Variants in PCDHA6 observed in about 807,000 individuals in gnomAD.
PCDHA6 encodes the protein protocadherin alpha 6, also known as protocadherin alpha-6.
In PCDHA6, 55 loss-of-function variants were observed where a neutral mutation model predicts 60.3. That is an observed-to-expected ratio of 0.91 (90% CI 0.73 to 1.14). PCDHA6 has a LOEUF of 1.14. PCDHA6 is among the 50% of genes most tolerant of loss of function. PCDHA6 has a pLI of 0.00. For synonymous variants in PCDHA6, 652 were observed against 557.9 expected (o/e 1.17, Z -2.38); for missense variants, 1,327 against 1,256.5 (o/e 1.06, Z -0.85).
At chr5:140,917,281 T>A (rs1354421886) in intron 1 of PCDHA6, among the ~76,000 whole-genome samples, 1 of 151,298 alleles carries the variant, frequency 6.6e-6, no homozygotes, top group Admixed American at 6.6e-5. Context: ...GTAATGACGC[T>A]TTTCCGTGTG....
At chr5:140,911,709 G>A (rs1029382331) in intron 1 of PCDHA6, among the ~76,000 whole-genome samples, 1 of 151,822 alleles carries the variant, frequency 6.6e-6, no homozygotes, top group Non-Finnish European at 1.5e-5. Context: ...AATTTATTTT[G>A]TGTAACTCTG....
intron 1 of PCDHA6, chr5:140,875,473 A>G (rs782269579): frequency 6.2e-6 from 10 of 1,606,342 alleles, no homozygotes; most frequent in Non-Finnish European, 8.5e-6. Flanking sequence ...ATTTTCTGCA[A>G]TGGTGATTAT....
rs2150155852 is a variant in PCDHA6 at position 140,828,481 on chromosome 5, G to A, written c.390G>A (p.Pro130=). ...AGGTGAGGGACATTAACGACAACCC[G>A]CCCTTGTTCCCGGTAGAGGAACAAA... ...DVEVRDINDN[P]PLFPVEEQRV... Residue 130 remains proline (P), a synonymous_variant, in exon 1 of 4, where the codon CCG becomes CCA. Coordinates refer to ENST00000529310, the MANE Select transcript of PCDHA6 (RefSeq NM_018909.4). 1.2e-6 allele frequency: 2 copies of A among 1,614,204 alleles called. No individual in the cohort carries two copies. Among genetic ancestry groups the A allele is most frequent in the Admixed American group, 1.7e-5 (1 of 60,020 alleles).
intron 1 of PCDHA6, among the ~76,000 whole-genome samples, chr5:140,915,667 G>A (rs2077246554): frequency 1.3e-5 from 2 of 149,888 alleles, no homozygotes; most frequent in Admixed American, 1.3e-4. Flanking sequence ...AAGGTGCTGG[G>A]CCATCTTGAA....
chr5:140,901,249 C>T (rs1554189685), intron 1 of PCDHA6, among the ~76,000 whole-genome samples: 1 of 151,994 alleles, frequency 6.6e-6, no homozygotes, highest in Admixed American at 6.6e-5. Flanking sequence ...TCCTTTGGTT[C>T]CCTGTGATTG....
chr5:140,843,647 C>T lies in PCDHA6; in HGVS notation c.2394+13162C>T, dbSNP rs2150364514. 10 of 1,595,364 alleles carry T rather than the reference C, an allele frequency of 6.3e-6. No individual in the cohort carries two copies. The African/African-American group carries it at 1.3e-4, about 21-fold the overall frequency. On this transcript the variant is annotated intron_variant, in intron 1 of 3. Coordinates refer to ENST00000529310, the MANE Select transcript of PCDHA6 (RefSeq NM_018909.4). Reference sequence around the variant, plus strand: ...GGACCTCATGGCCTTCAGCCCCTGCCTTCCTCCTGATCTGGGATCAGTTGA... The same window carrying T: ...GGACCTCATGGCCTTCAGCCCCTGCTTTCCTCCTGATCTGGGATCAGTTGA...
rs192969362 is a variant in PCDHA6 at position 140,893,205 on chromosome 5, T to C, written c.2394+62720T>C. On this transcript the variant is annotated intron_variant, in intron 1 of 3. Transcript: ENST00000529310. ...CTATTGTGAATAGTGCTGCAGTAAG[T>C]ATGGGAGGTGCAGGTATCACTTTGA... Among the ~76,000 whole-genome samples, 9 of 152,220 alleles carry C rather than the reference T, an allele frequency of 5.9e-5. No homozygotes were observed. The East Asian group carries it at 9.6e-4, about 16-fold the overall frequency.
chr5:140,875,381 A>G, intron 1 of PCDHA6: 7 of 1,461,296 alleles, frequency 4.8e-6, no homozygotes, highest in Non-Finnish European at 6.3e-6. Flanking sequence ...CTAAATATGT[A>G]CTTACAGAAA....
chr5:140,965,193 A>G (rs1232668450), intron 1 of PCDHA6, among the ~76,000 whole-genome samples: 1 of 152,252 alleles, frequency 6.6e-6, no homozygotes, highest in East Asian at 1.9e-4. Flanking sequence ...CACATGAGGC[A>G]ATAGATTTCA....
At chr5:140,870,052 A>G (rs782520778) in intron 1 of PCDHA6, 7 of 1,613,830 alleles carry the variant, frequency 4.3e-6, no homozygotes, top group Non-Finnish European at 5.1e-6. Flanking sequence ...GTTTTATAAA[A>G]TTGAAGTACA....
Position 140,857,251 on chromosome 5 carries a change from G to T in PCDHA6, c.2394+26766G>T, listed in dbSNP as rs1554149715. The T allele has an allele frequency of 1.9e-6, 3 of 1,598,606 alleles. No individual in the cohort carries two copies. In the Admixed American group the frequency reaches 5.1e-5, roughly 27 times the overall value. ...CGTTCAAGCTGGTGTCCACCTACAA[G>T]AATTACTACTCATTGGTGCTGGACA... is the stretch of plus-strand genomic sequence containing the variant. On this transcript the variant is annotated intron_variant, in intron 1 of 3. Coordinates refer to ENST00000529310, the MANE Select transcript of PCDHA6 (RefSeq NM_018909.4).
intron 1 of PCDHA6, chr5:140,883,536 T>C (rs1178559999): frequency 8.7e-6 from 14 of 1,614,202 alleles, no homozygotes; most frequent in Non-Finnish European, 1.2e-5. Flanking sequence ...GCCTATGAAC[T>C]GGTGGTGACC....
In PCDHA6 at chr5:140,842,440, C is replaced by A. The variant is rs1777947165; in HGVS notation, c.2394+11955C>A. On this transcript the variant is annotated intron_variant, in intron 1 of 3. Coordinates refer to ENST00000529310, the MANE Select transcript of PCDHA6 (RefSeq NM_018909.4). ...TTGGTACTGTCATCGCCCTAATTAG[C>A]GTGAACGACCTCGATTCAGGTGCCA... The A allele has an allele frequency of 1.9e-6, 3 of 1,613,638 alleles. No homozygotes were observed. The South Asian group carries it at 3.3e-5, about 18-fold the overall frequency.
rs1439060369 is a variant in PCDHA6, at chr5:140,850,679, C to T, written c.2394+20194C>T. On this transcript the variant is annotated intron_variant, in intron 1 of 3. Transcript: ENST00000529310. ...TGCTGCGGTGCTCGGCGATGCCCAC[C>T]GAGGGCGAGTGCGCGCCTGGCAAGC... The T allele has an allele frequency of 1.4e-5, 22 of 1,598,378 alleles. 1 individual carries two copies. The highest frequency in any genetic ancestry group is 3.4e-5 in the Admixed American group (2 of 59,276).
chr5:140,857,728 C>T lies in PCDHA6; in HGVS notation c.2394+27243C>T, dbSNP rs781841380. ...TGTTCGTGCTGGACGAGAACGACAACGCTCCCGCGCTGCTGGCGTCTCCCG... is the reference window on the plus strand; with the variant it reads ...TGTTCGTGCTGGACGAGAACGACAATGCTCCCGCGCTGCTGGCGTCTCCCG... On this transcript the variant is annotated intron_variant, in intron 1 of 3. Transcript: ENST00000529310. 5.6e-6 allele frequency: 9 copies of T among 1,597,306 alleles called. 1 individual carries two copies. Among genetic ancestry groups the T allele is most frequent in the Non-Finnish European group, 5.1e-6 (6 of 1,167,718 alleles).
At chr5:140,970,597 TA>T (rs2096419556) in intron 1 of PCDHA6, among the ~76,000 whole-genome samples, 4 of 152,198 alleles carry the variant, frequency 2.6e-5, no homozygotes, top group Non-Finnish European at 5.9e-5. Context: ...TGCTTTGTGA[TA>T]CTTAAAACTT....
chr5:140,927,720 G>T lies in PCDHA6; in HGVS notation c.2395-51229G>T. The T allele has an allele frequency of 3.1e-6, 5 of 1,614,174 alleles. No homozygotes were observed. The Middle Eastern group carries it at 4.9e-4, about 160-fold the overall frequency. On this transcript the variant is annotated intron_variant, in intron 1 of 3. Coordinates refer to ENST00000529310, the MANE Select transcript of PCDHA6 (RefSeq NM_018909.4). ...TCCAGTACTCCCTAAGCAACAGCACGCAAGCAGAGCTGCGACACCGCTTTC... is the reference window on the plus strand; with the variant it reads ...TCCAGTACTCCCTAAGCAACAGCACTCAAGCAGAGCTGCGACACCGCTTTC...
chr5:140,961,672 A>T (rs1463428757), intron 1 of PCDHA6, among the ~76,000 whole-genome samples: 2 of 152,182 alleles, frequency 1.3e-5, no homozygotes, highest in East Asian at 3.8e-4. Flanking sequence ...ACCAGTTTTT[A>T]ATTAAGCCGG....
chr5:140,928,846 C>T, intron 1 of PCDHA6: 1 of 1,614,192 alleles, frequency 6.2e-7, no homozygotes, highest in Non-Finnish European at 8.5e-7. Context: ...CTCTGTCACT[C>T]TGGGTGTGCT....
Sources: gnomAD v4.1 joint callset for allele counts (sites outside exome capture counted in the v4.1 genomes callset) on GRCh38, gnomAD v4.1.1 for gene constraint, MANE v1.5 for transcripts, NCBI Gene and HGNC (gene_info 2026-07-23, HGNC 2026-07-21) for gene names.